CBFA2T2: variants seen among roughly 807,000 people sequenced by gnomAD.
CBFA2T2 encodes the protein CBFA2/RUNX1 partner transcriptional co-repressor 2.
In CBFA2T2, 11 loss-of-function variants were observed where a neutral mutation model predicts 62.2. The ratio of observed to expected loss-of-function variants is 0.18; its 90% confidence interval spans 0.11 to 0.29. The LOEUF is 0.29. CBFA2T2 is among the 10% of genes least tolerant of loss of function. CBFA2T2 has a pLI of 1.00. For synonymous variants in CBFA2T2, 295 were observed against 287.5 expected (o/e 1.03, Z -0.27); for missense variants, 592 against 774.1 (o/e 0.76, Z 2.79).
Position 33,536,170 on chromosome 20 carries a change from C to T in CBFA2T2, c.34+45869C>T, listed in dbSNP as rs573426662. 7.7e-4 allele frequency among the ~76,000 whole-genome samples: 117 copies of T among 152,366 alleles called. 2 individuals are homozygous for T. The highest frequency in any genetic ancestry group is 1.5e-3 in the Admixed American group (23 of 15,304). ...CGCCATTGTCATCCCGGCCCATTCT[C>T]AATGAGCTGTTGGGTACACCTCCCA... On this transcript the variant is annotated intron_variant, in intron 1 of 10. Transcript: ENST00000342704.
chr20:33,522,724 CTGAG>C (rs1316637245), intron 1 of CBFA2T2, among the ~76,000 whole-genome samples: 1 of 152,118 alleles, frequency 6.6e-6, no homozygotes, highest in East Asian at 1.9e-4. Flanking sequence ...GCCTAGGCAA[CTGAG>C]TGAGACCCTG....
At position 33,542,797 on chromosome 20, in the gene CBFA2T2, G is replaced by C. The variant is rs1420202190; in HGVS notation, c.34+52496G>C. Among the ~76,000 whole-genome samples, 4 of 151,964 alleles carry C rather than the reference G, an allele frequency of 2.6e-5. No homozygotes were observed. The East Asian group carries it at 7.7e-4, about 29-fold the overall frequency. On this transcript the variant is annotated intron_variant, in intron 1 of 10. Coordinates refer to ENST00000342704, the MANE Select transcript of CBFA2T2 (RefSeq NM_001032999.3). Reference sequence around the variant, plus strand: ...AGTGGTCCTCCCACCTCAACCTCCCGGGAAGCTGGGACTACAGGCATATGC... The same window carrying C: ...AGTGGTCCTCCCACCTCAACCTCCCCGGAAGCTGGGACTACAGGCATATGC...
At chr20:33,580,443 G>C (rs1321837284) in intron 1 of CBFA2T2, among the ~76,000 whole-genome samples, 1 of 152,172 alleles carries the variant, frequency 6.6e-6, no homozygotes, top group Non-Finnish European at 1.5e-5. Flanking sequence ...CAACCTAAGA[G>C]GCCGAAATTG....
chr20:33,558,062 C>T (rs911291071), intron 1 of CBFA2T2, among the ~76,000 whole-genome samples: 6 of 150,490 alleles, frequency 4.0e-5, no homozygotes, highest in Admixed American at 2.6e-4. Flanking sequence ...TTCTTGACCT[C>T]GTGATCCACT....
At chr20:33,598,371 A>G (rs1377580121) in intron 1 of CBFA2T2, among the ~76,000 whole-genome samples, 1 of 152,166 alleles carries the variant, frequency 6.6e-6, no homozygotes, top group Non-Finnish European at 1.5e-5. Context: ...AAGCCTATAC[A>G]TCCAGGCGCG....
chr20:33,515,364 A>AG (rs1402978358), intron 1 of CBFA2T2, among the ~76,000 whole-genome samples: 1 of 150,654 alleles, frequency 6.6e-6, no homozygotes, highest in Non-Finnish European at 1.5e-5. Flanking sequence ...AAAAAAAAAA[A>AG]AAAAAAAGTG....
intron 1 of CBFA2T2, among the ~76,000 whole-genome samples, chr20:33,582,411 C>A (rs1216570069): frequency 1.3e-5 from 2 of 152,002 alleles, no homozygotes; most frequent in African/African-American, 4.8e-5. Flanking sequence ...TCACTTGAAC[C>A]TGGGAGGCAG....
rs547670040 is a variant in CBFA2T2, at chr20:33,511,117, T to C, written c.34+20816T>C. Among the ~76,000 whole-genome samples the C allele has an allele frequency of 1.2e-4, 19 of 152,336 alleles. No homozygotes were observed. The South Asian group carries it at 3.9e-3, about 32-fold the overall frequency. ...TCACTCTGATGGTAGTTTCTTTTGC[T>C]GTGCAGAAGCTCTTTAGTTTAATTA... On this transcript the variant is annotated intron_variant, in intron 1 of 10. Coordinates refer to ENST00000342704, the MANE Select transcript of CBFA2T2 (RefSeq NM_001032999.3).
intron 3 of CBFA2T2, among the ~76,000 whole-genome samples, chr20:33,616,695 C>T (rs1008921933): frequency 2.6e-5 from 4 of 151,484 alleles, no homozygotes; most frequent in Non-Finnish European, 5.9e-5. Context: ...CCACTGCACT[C>T]CAGCATGGGT....
chr20:33,609,151 T>C (rs2015436736), intron 2 of CBFA2T2, among the ~76,000 whole-genome samples: 1 of 152,000 alleles, frequency 6.6e-6, no homozygotes, highest in African/African-American at 2.4e-5. Context: ...CACATATGTA[T>C]TGTGTATTGT....
chr20:33,519,888 T>A lies in CBFA2T2; in HGVS notation c.34+29587T>A, dbSNP rs552834259. The stretch of plus-strand genomic sequence containing the variant: ...TGAGCCGGGCACGGTGGCTCACGCC[T>A]GTAATACCAGCACTTTGGGAGGCCG... On this transcript the variant is annotated intron_variant, in intron 1 of 10. Transcript: ENST00000342704. Among the ~76,000 whole-genome samples the A allele has an allele frequency of 2.6e-3, 392 of 152,250 alleles. 1 individual carries two copies. The highest frequency in any genetic ancestry group is 9.3e-3 in the African/African-American group (385 of 41,542).
At chr20:33,543,136 C>G (rs1000784953) in intron 1 of CBFA2T2, among the ~76,000 whole-genome samples, 2 of 152,106 alleles carry the variant, frequency 1.3e-5, no homozygotes, top group Non-Finnish European at 2.9e-5. Flanking sequence ...GCCTCAGCCC[C>G]CTGAGTAGCT....
intron 1 of CBFA2T2, among the ~76,000 whole-genome samples, chr20:33,597,556 TAGG>T (rs1157712345): frequency 2.6e-5 from 4 of 152,184 alleles, no homozygotes; most frequent in African/African-American, 9.6e-5. Context: ...AGATTCTCAT[TAGG>T]AGGGCAATCC....
chr20:33,533,022 G>T (rs756889242), intron 1 of CBFA2T2, among the ~76,000 whole-genome samples: 1 of 151,846 alleles, frequency 6.6e-6, no homozygotes, highest in Non-Finnish European at 1.5e-5. Flanking sequence ...AGAACTACAC[G>T]CCCCTTCCTG....
intron 1 of CBFA2T2, among the ~76,000 whole-genome samples, chr20:33,542,155 A>AT (rs2012426246): frequency 6.6e-6 from 1 of 152,182 alleles, no homozygotes; most frequent in South Asian, 2.1e-4. Context: ...GGGAACCTAC[A>AT]TTTTAACAAG....
At chr20:33,633,368 C>T (rs1014323537) in intron 8 of CBFA2T2, among the ~76,000 whole-genome samples, 6 of 115,362 alleles carry the variant, frequency 5.2e-5, no homozygotes, top group East Asian at 2.8e-4. Context: ...GAGACTCTGT[C>T]GCAAAAAAAA....
chr20:33,571,465 A>G (rs1026688019), intron 1 of CBFA2T2, among the ~76,000 whole-genome samples: 1 of 152,196 alleles, frequency 6.6e-6, no homozygotes, highest in African/African-American at 2.4e-5. Context: ...GTCAATTCAT[A>G]TATCCATTTT....
intron 1 of CBFA2T2, among the ~76,000 whole-genome samples, chr20:33,584,423 T>C (rs1033295523): frequency 1.3e-5 from 2 of 151,714 alleles, no homozygotes; most frequent in Non-Finnish European, 2.9e-5. Flanking sequence ...CTGGCTAATT[T>C]TTTTGGTATT....
intron 1 of CBFA2T2, among the ~76,000 whole-genome samples, chr20:33,516,999 A>C (rs955990946): frequency 2.0e-5 from 3 of 152,238 alleles, no homozygotes; most frequent in African/African-American, 4.8e-5. Flanking sequence ...TAGTGAGATC[A>C]CACCTTTCAG....
Sources: allele counts gnomAD v4.1 joint callset (sites outside exome capture counted in the v4.1 genomes callset), GRCh38; gene constraint gnomAD v4.1.1; transcripts MANE v1.5; gene names NCBI Gene and HGNC (gene_info 2026-07-23, HGNC 2026-07-21).